GRIN2C: variants seen among roughly 807,000 people sequenced by gnomAD.
The protein encoded by GRIN2C is glutamate receptor ionotropic, NMDA 2C.
A neutral mutation model predicts 77.7 loss-of-function variants in GRIN2C; 64 were observed. That is an observed-to-expected ratio of 0.82 (90% CI 0.67 to 1.01). GRIN2C has a LOEUF of 1.01. GRIN2C is among the 50% of genes least tolerant of loss of function. GRIN2C has a pLI of 0.00. For synonymous variants in GRIN2C, 792 were observed against 643.4 expected (o/e 1.23, Z -3.49); for missense variants, 1,549 against 1,486.0 (o/e 1.04, Z -0.70).
Position 74,850,666 on chromosome 17 carries a change from C to T in GRIN2C, c.1215G>A (p.Val405=), listed in dbSNP as rs1415781890. Residue 405 remains valine (V), a synonymous_variant, in exon 5 of 13, where the codon GTG becomes GTA. Coordinates refer to ENST00000293190, the MANE Select transcript of GRIN2C (RefSeq NM_000835.6). This position sits in a 1 kb window ranked among gnomAD's most constrained non-coding sequence, Gnocchi z 5.3. The stretch of plus-strand genomic sequence containing the variant: ...CAAAGGGCCGCTCTTCCAGCGTGGC[C>T]ACCGTCAGGTGCCGACTGTCCACCA... The part of the protein sequence containing the change: ...QPVVDSRHLT[V]ATLEERPFVI... 3 of 1,613,640 alleles carry T rather than the reference C, an allele frequency of 1.9e-6. No homozygotes were observed. Among genetic ancestry groups the T allele is most frequent in the South Asian group, 2.2e-5 (2 of 91,084 alleles).
At chr17:74,851,990 CT>C (rs2037660263) in intron 3 of GRIN2C, 22 bp downstream of exon 3, 1 of 1,462,662 alleles carries the variant, frequency 6.8e-7, no homozygotes, top group African/African-American at 1.4e-5. Flanking sequence ...CTCCCTACCC[CT>C]ATGCCCCGGG....
In GRIN2C at chr17:74,846,228, C is replaced by A. The variant is rs1408137101; in HGVS notation, c.2188G>T (p.Ala730Ser). The change falls in exon 11 of 13, where the codon GCT becomes TCT. Residue 730 changes from alanine (A) to serine (S), a missense_variant. Transcript: ENST00000293190. The surrounding 1 kb of genome is among the most constrained non-coding windows in gnomAD (Gnocchi z 4.4). ...CCTGCCATGTAGTTGAGGACAGCAG[C>A]ATCATAGATGAAGGCATCCAGCTTC... ...MGKLDAFIYD[A>S]AVLNYMAGKD... 2 of 1,614,068 alleles carry A rather than the reference C, an allele frequency of 1.2e-6. No homozygotes were observed. The highest frequency in any genetic ancestry group is 1.7e-6 in the Non-Finnish European group (2 of 1,180,010).
chr17:74,852,526 C>CAG lies in GRIN2C; in HGVS notation c.483_484dup (p.Trp162SerfsTer31). Reference sequence around the variant, plus strand: ...GCTGGTGATGACGGCGAAGGCGCTCCAGTCGTACTCTTCCAGCACCTTGAA... The same window carrying CAG: ...GCTGGTGATGACGGCGAAGGCGCTCCAGAGTCGTACTCTTCCAGCACCTTGAA... On this transcript the variant is annotated frameshift_variant, in exon 3 of 13. Transcript: ENST00000293190. LOFTEE classifies it high-confidence loss of function. The CAG allele has an allele frequency of 6.4e-7, 1 of 1,567,718 alleles. No individual in the cohort carries two copies. Among genetic ancestry groups the CAG allele is most frequent in the South Asian group, 1.2e-5 (1 of 86,598 alleles).
chr17:74,844,769 A>T (rs993827707), intron 11 of GRIN2C, among the ~76,000 whole-genome samples: 14 of 151,936 alleles, frequency 9.2e-5, no homozygotes, highest in Admixed American at 1.3e-4. Flanking sequence ...CCCCCTGTGC[A>T]CCCCCAGTAA....
chr17:74,848,053 G>C (rs766110294), intron 7 of GRIN2C, 76 bp from the exon 8 acceptor site: 2 of 1,542,238 alleles, frequency 1.3e-6, no homozygotes, highest in Admixed American at 3.4e-5. Flanking sequence ...GGTGGAGACA[G>C]GTAGGTCCAC....
At chr17:74,848,642 G>A (rs1323019658) in intron 7 of GRIN2C, among the ~76,000 whole-genome samples, 1 of 152,184 alleles carries the variant, frequency 6.6e-6, no homozygotes, top group Non-Finnish European at 1.5e-5. Flanking sequence ...GGCAGTTGCA[G>A]TGAGCTGAGA....
chr17:74,860,912 G>C (rs1165755788), upstream of GRIN2C: 1 of 217,682 alleles, frequency 4.6e-6, no homozygotes, highest in Non-Finnish European at 9.4e-6. Context: ...GGGAAACTGG[G>C]GCACTGGGCT....
intron 1 of GRIN2C, among the ~76,000 whole-genome samples, chr17:74,856,869 G>A (rs1203377607): frequency 1.3e-5 from 2 of 152,122 alleles, no homozygotes; most frequent in East Asian, 1.9e-4. Flanking sequence ...AATCCAGAGA[G>A]CGGGGAAGTG....
At chr17:74,843,798 G>A (rs757517599) in intron 12 of GRIN2C, among the ~76,000 whole-genome samples, 119 of 151,910 alleles carry the variant, frequency 7.8e-4, no homozygotes, top group Admixed American at 3.3e-4. Context: ...TCCAACCTGG[G>A]CACACCTGTG....
chr17:74,842,302 C>T lies in GRIN2C; in HGVS notation c.*133G>A, dbSNP rs2037307434. The T allele has an allele frequency of 4.9e-6, 3 of 611,026 alleles. No homozygotes were observed. Among genetic ancestry groups the T allele is most frequent in the South Asian group, 2.0e-5 (1 of 49,832 alleles). The allele number at this position is 611,026 out of a possible 1,614,324, so 37.9% of individuals were successfully genotyped here. ...TGAGGTCACTGATGACCATGGAAGA[C>T]ATCATCTGTCACTGGGGTCCCATGG... On this transcript the variant is annotated 3_prime_UTR_variant, in exon 13 of 13. Coordinates refer to ENST00000293190, the MANE Select transcript of GRIN2C (RefSeq NM_000835.6).
chr17:74,852,394 C>G lies in GRIN2C; in HGVS notation c.617G>C (p.Gly206Ala), dbSNP rs745700938. ...GCGCTGCGTGCGCGCGCGCGGCCCT[C>G]CCGGGCCCAGCTCCAGCGTGACCAC... The part of the protein sequence containing the change: ...LDVVTLELGP[G>A]GPRARTQRLL... Residue 206 changes from glycine (G) to alanine (A), a missense_variant, in exon 3 of 13, where the codon GGA (glycine) becomes GCA (alanine). Gly to Ala is a moderately conservative substitution (Grantham distance 60). Around this residue, in one of 3 missense-constraint regions of GRIN2C, gnomAD observed 382 missense variants for 360.0 expected, o/e 1.06. Transcript: ENST00000293190. 1.8e-5 allele frequency: 26 copies of G among 1,455,718 alleles called. No individual in the cohort carries two copies. Among genetic ancestry groups the G allele is most frequent in the South Asian group, 4.1e-5 (3 of 73,762 alleles). The allele number at this position is 1,455,718 out of a possible 1,614,324, so 90.2% of individuals were successfully genotyped here.
rs890104715 is a variant in GRIN2C, at chr17:74,847,614, T to C, written c.1772-77A>G. 2.9e-5 allele frequency: 33 copies of C among 1,121,210 alleles called. No homozygotes were observed. Among genetic ancestry groups the C allele is most frequent in the Admixed American group, 4.0e-5 (2 of 49,838 alleles). The allele number at this position is 1,121,210 out of a possible 1,614,324, so 69.5% of individuals were successfully genotyped here. ...GGGCTCAGGGCTCAGCCCACCCGAC[T>C]GCACAGCTCCGGTCTCAGCCTGGCC... is the stretch of plus-strand genomic sequence containing the variant. On this transcript the variant is annotated intron_variant, in intron 8 of 12. Coordinates refer to ENST00000293190, the MANE Select transcript of GRIN2C (RefSeq NM_000835.6). The surrounding 1 kb of genome is among the most constrained non-coding windows in gnomAD (Gnocchi z 5.2).
rs2037569666 is a variant in GRIN2C, at chr17:74,849,663, G to A, written c.1645+117C>T. The stretch of plus-strand genomic sequence containing the variant: ...CTCCAGCCAACCTCCAAGACCCAAG[G>A]CTGCTGTGCTTGGCCTGTGAGAGCC... On this transcript the variant is annotated intron_variant, in intron 7 of 12. Coordinates refer to ENST00000293190, the MANE Select transcript of GRIN2C (RefSeq NM_000835.6). This position sits in a 1 kb window ranked among gnomAD's most constrained non-coding sequence, Gnocchi z 4.6. 4 of 912,568 alleles carry A rather than the reference G, an allele frequency of 4.4e-6. No homozygotes were observed. The highest frequency in any genetic ancestry group is 3.1e-5 in the South Asian group (2 of 64,564). The allele number at this position is 912,568 out of a possible 1,614,324, so 56.5% of individuals were successfully genotyped here.
At chr17:74,848,488 C>T (rs562463892) in intron 7 of GRIN2C, among the ~76,000 whole-genome samples, 8 of 152,080 alleles carry the variant, frequency 5.3e-5, no homozygotes, top group South Asian at 2.1e-4. Flanking sequence ...ACGAGACGGG[C>T]GGATCGTTCG....
chr17:74,843,246 T>C lies in GRIN2C; in HGVS notation c.2891A>G (p.Asp964Gly), dbSNP rs2037352408. ...GCGCACAAGCGCCGCGCGACCCCCG[T>C]CTGGCGGTCCCCAGCCCGTGGGGCT... ...EPSPTGWGPP[D>G]GGRAALVRRA... The change falls in exon 13 of 13, where the codon GAC becomes GGC. Residue 964 changes from aspartate (D) to glycine (G), a missense_variant. Transcript: ENST00000293190. 1 of 705,926 alleles carries C rather than the reference T, an allele frequency of 1.4e-6. No homozygotes were observed. The highest frequency in any genetic ancestry group is 2.9e-5 in the South Asian group (1 of 34,282). 43.7% of individuals were successfully genotyped at this position (705,926 alleles called of 1,614,324 possible).
upstream of GRIN2C, among the ~76,000 whole-genome samples, chr17:74,861,247 G>A (rs2037946684): frequency 6.6e-6 from 1 of 152,078 alleles, no homozygotes; most frequent in Non-Finnish European, 1.5e-5. Flanking sequence ...AAAACCCAAG[G>A]CCAGGTTCTT....
In GRIN2C at chr17:74,854,804, C is replaced by T. The variant is rs1598493581; in HGVS notation, c.289G>A (p.Asp97Asn). The change falls in exon 2 of 13, where the codon GAC becomes AAC. Residue 97 changes from aspartate (D) to asparagine (N), a missense_variant. Transcript: ENST00000293190. ...AAHVHGIVFE[D>N]NVDTEAVAQI... The stretch of plus-strand genomic sequence containing the variant: ...GCCACCGCCTCGGTGTCCACGTTGT[C>T]CTCAAAGACAATGCCGTGGACGTGG... 1 of 1,613,736 alleles carries T rather than the reference C, an allele frequency of 6.2e-7. No individual in the cohort carries two copies. The highest frequency in any genetic ancestry group is 1.3e-5 in the African/African-American group (1 of 74,924).
At chr17:74,852,646 G>T in intron 2 of GRIN2C, 35 bp from the exon 3 acceptor site, 1 of 997,188 alleles carries the variant, frequency 1.0e-6, no homozygotes, top group Non-Finnish European at 1.4e-6. Flanking sequence ...GGGCGGGAGG[G>T]CCGAGCCCCT....
In GRIN2C at chr17:74,852,449, C is replaced by A. The variant is rs1300366432; in HGVS notation, c.562G>T (p.Ala188Ser). 2.6e-6 allele frequency: 4 copies of A among 1,543,160 alleles called. No individual in the cohort carries two copies. Among genetic ancestry groups the A allele is most frequent in the Non-Finnish European group, 3.5e-6 (4 of 1,155,052 alleles). ...FLEGVRAVADASHVSWRLLDV... is the reference protein window; with the variant it reads ...FLEGVRAVADSSHVSWRLLDV... ...AGCAGCCGCCAACTCACGTGGCTGG[C>A]GTCGGCGACGGCGCGCACGCCCTCC... The change falls in exon 3 of 13, where the codon GCC (alanine) becomes TCC (serine). Residue 188 changes from alanine (A) to serine (S), a missense_variant. Transcript: ENST00000293190.
Sources: allele counts gnomAD v4.1 joint callset (sites outside exome capture counted in the v4.1 genomes callset), GRCh38; gene constraint gnomAD v4.1.1; regional missense constraint gnomAD v4.1.1; non-coding constraint Gnocchi (gnomAD v3.1); transcripts MANE v1.5; gene names NCBI Gene and HGNC (gene_info 2026-07-23, HGNC 2026-07-21).